The following KIDINS220 variants were observed in gnomAD, a reference collection of about 807,000 sequenced individuals.
KIDINS220 encodes the protein kinase D interacting substrate 220, also known as kinase D-interacting substrate of 220 kDa.
In KIDINS220, 63 loss-of-function variants were observed where a neutral mutation model predicts 157.6. That is an observed-to-expected ratio of 0.40 (90% confidence interval 0.33 to 0.49). KIDINS220 has a LOEUF of 0.49. Among genes scored for constraint, KIDINS220 ranks in the 20% least tolerant of loss-of-function variants. The pLI is 0.66. For missense variants in KIDINS220, 1,772 were observed against 2,171.2 expected, an observed-to-expected ratio of 0.82 and a Z score of 3.65; for synonymous variants, 732 against 783.6, an observed-to-expected ratio of 0.93 and a Z score of 1.10.
chr2:8,746,749 T>G (rs1666642018), intron 26 of KIDINS220: 1 of 173,070 alleles, frequency 5.8e-6, no homozygotes, highest in Non-Finnish European at 1.2e-5. Context: ...TGATACTGGA[T>G]ACTTTTCTAA....
Position 8,796,898 on chromosome 2 carries a change from G to C in KIDINS220, c.1000-29C>G, listed in dbSNP as rs1169075892. The stretch of plus-strand genomic sequence containing the variant: ...TGGGCACAAATAAGAACATTTGCCA[G>C]ATTAATAGCTTGACTCCTGTGTTTA... On this transcript the variant is annotated intron_variant, in intron 10 of 29. Transcript: ENST00000256707. The C allele has an allele frequency of 2.0e-6, 3 of 1,506,126 alleles. No individual in the cohort carries two copies. The South Asian group carries it at 3.4e-5, about 17-fold the overall frequency. The allele number at this position is 1,506,126 out of a possible 1,614,324, so 93.3% of individuals were successfully genotyped here.
intron 22 of KIDINS220, among the ~76,000 whole-genome samples, chr2:8,754,829 C>G (rs1034334730): frequency 1.3e-5 from 2 of 152,158 alleles, no homozygotes; most frequent in Admixed American, 1.3e-4. Flanking sequence ...TTATTTATCA[C>G]ATTTTATCTA....
chr2:8,749,439 G>T (rs751493500), intron 24 of KIDINS220: 1 of 455,762 alleles, frequency 2.2e-6, no homozygotes, highest in South Asian at 1.6e-5. Context: ...AAATATTAGT[G>T]TTTGAGGTCA....
chr2:8,832,334 C>T (rs1276110292), intron 1 of KIDINS220, among the ~76,000 whole-genome samples: 1 of 152,132 alleles, frequency 6.6e-6, no homozygotes, highest in African/African-American at 2.4e-5. Flanking sequence ...TATTAAATGT[C>T]ATAAGATGTT....
chr2:8,818,778 G>A lies in KIDINS220; in HGVS notation c.124C>T (p.Leu42=). 1.2e-6 allele frequency: 2 copies of A among 1,605,136 alleles called. No homozygotes were observed. The highest frequency in any genetic ancestry group is 1.7e-6 in the Non-Finnish European group (2 of 1,173,560). The part of the protein sequence containing the change: ...DERNECGQTP[L]MIAAEQGNLE... ...TTGCCTTGTTCGGCAGCTATCATCA[G>A]TGGAGTCTGGCCACACTAGAGAATA... The change falls in exon 3 of 30, where the codon CTG becomes TTG. Residue 42 remains leucine (L), a synonymous_variant. Transcript: ENST00000256707.
rs370591101 is a variant in KIDINS220, at chr2:8,802,963, G to C, written c.768C>G (p.Leu256=). 3.1e-6 allele frequency: 5 copies of C among 1,613,814 alleles called. No individual in the cohort carries two copies. The highest frequency in any genetic ancestry group is 4.5e-5 in the East Asian group (2 of 44,848). The stretch of plus-strand genomic sequence containing the variant: ...GTATGTTCACATATGTTCCAGCGTC[G>C]AGCAGATCCTGCACAATCTCCGTAT... ...EGHTEIVQDL[L]DAGTYVNIPD... Residue 256 remains leucine (L), a synonymous_variant, in exon 8 of 30, where the codon CTC becomes CTG. Coordinates refer to ENST00000256707, the MANE Select transcript of KIDINS220 (RefSeq NM_020738.4).
intron 16 of KIDINS220, 42 bp from the exon 17 acceptor site, chr2:8,786,072 A>T (rs372453243): frequency 1.3e-5 from 20 of 1,567,046 alleles, no homozygotes; most frequent in Middle Eastern, 3.4e-4. Flanking sequence ...CATATCAAGG[A>T]TCTAGAAAAT....
rs142953288 is a variant in KIDINS220, at chr2:8,819,877, T to G, written c.109-1084A>C. Among the ~76,000 whole-genome samples, 281 of 151,708 alleles carry G rather than the reference T, an allele frequency of 1.9e-3. 6 individuals are homozygous for G. The highest frequency in any genetic ancestry group is 0.014 in the Admixed American group (214 of 15,226). The stretch of plus-strand genomic sequence containing the variant: ...AAAAAGGAAGTACCAGGTTAAAGAG[T>G]GATGATACTAAAGGTACTAAGACAC... On this transcript the variant is annotated intron_variant, in intron 2 of 29. Coordinates refer to ENST00000256707, the MANE Select transcript of KIDINS220 (RefSeq NM_020738.4).
At chr2:8,759,691 CG>C (rs1318927825) in intron 22 of KIDINS220, among the ~76,000 whole-genome samples, 1 of 151,594 alleles carries the variant, frequency 6.6e-6, no homozygotes, top group African/African-American at 2.4e-5. Flanking sequence ...TTCATGTCTA[CG>C]ACGTCGAATG....
intron 20 of KIDINS220, among the ~76,000 whole-genome samples, chr2:8,777,576 C>A (rs1047660670): frequency 6.6e-6 from 1 of 152,226 alleles, no homozygotes; most frequent in Non-Finnish European, 1.5e-5. Flanking sequence ...GCTAGGATTA[C>A]AAGCATGAGC....
chr2:8,810,657 G>A lies in KIDINS220; in HGVS notation c.504+1738C>T, dbSNP rs146877183. Among the ~76,000 whole-genome samples the A allele has an allele frequency of 8.2e-3, 1,249 of 152,152 alleles. 9 individuals are homozygous for A. The highest frequency in any genetic ancestry group is 0.017 in the African/African-American group (693 of 41,510). On this transcript the variant is annotated intron_variant, in intron 6 of 29. Coordinates refer to ENST00000256707, the MANE Select transcript of KIDINS220 (RefSeq NM_020738.4). ...AAAAAGTAGACAGTCGTGGTGGCAC[G>A]CACCTGTAATCCCAGCTACTCAGAA... is the stretch of plus-strand genomic sequence containing the variant.
rs1677291943 is a variant in KIDINS220, at chr2:8,817,734, A to C, written c.208-18T>G. The C allele has an allele frequency of 1.9e-6, 3 of 1,543,108 alleles. No individual in the cohort carries two copies. In the East Asian group the frequency reaches 6.8e-5, roughly 35 times the overall value. On this transcript the variant is annotated intron_variant, in intron 3 of 29. Transcript: ENST00000256707. ...CAATTATCCTTGAACATATATTTTAAAAGTTATCATTTTCAAACCAAAAAT... is the reference window on the plus strand; with the variant it reads ...CAATTATCCTTGAACATATATTTTACAAGTTATCATTTTCAAACCAAAAAT...
At chr2:8,828,851 G>A (rs1247838400) in intron 1 of KIDINS220, among the ~76,000 whole-genome samples, 2 of 152,202 alleles carry the variant, frequency 1.3e-5, no homozygotes, top group African/African-American at 4.8e-5. Flanking sequence ...CTAAGTTGGA[G>A]CAGATAACTT....
rs185219670 is a variant in KIDINS220, at chr2:8,729,242, G to A, written c.*1478C>T. On this transcript the variant is annotated 3_prime_UTR_variant, in exon 30 of 30. Coordinates refer to ENST00000256707, the MANE Select transcript of KIDINS220 (RefSeq NM_020738.4). ...TGCTAGATTACACTCAAACATCAAGGCAATGAAACACAAAAGAGCAACTAT... is the reference window on the plus strand; with the variant it reads ...TGCTAGATTACACTCAAACATCAAGACAATGAAACACAAAAGAGCAACTAT... 299 of 985,010 alleles carry A rather than the reference G, an allele frequency of 3.0e-4. 1 individual carries two copies. The African/African-American group carries it at 5.0e-3, about 16-fold the overall frequency. The allele number at this position is 985,010 out of a possible 1,614,324, so 61.0% of individuals were successfully genotyped here.
chr2:8,810,368 T>A (rs1676110648), intron 6 of KIDINS220, among the ~76,000 whole-genome samples: 1 of 152,240 alleles, frequency 6.6e-6, no homozygotes. Flanking sequence ...TTTCTCAAAA[T>A]GCTAATGAGT....
Position 8,796,880 on chromosome 2 carries a change from A to C in KIDINS220, c.1000-11T>G. On this transcript the variant is annotated splice_polypyrimidine_tract_variant and intron_variant, in intron 10 of 29. Transcript: ENST00000256707. Reference sequence around the variant, plus strand: ...TGGCGTTTCACCATCCTGTGGGCACAAATAAGAACATTTGCCAGATTAATA... The same window carrying C: ...TGGCGTTTCACCATCCTGTGGGCACCAATAAGAACATTTGCCAGATTAATA... The C allele has an allele frequency of 6.3e-7, 1 of 1,598,438 alleles. No individual in the cohort carries two copies. Among genetic ancestry groups the C allele is most frequent in the Non-Finnish European group, 8.6e-7 (1 of 1,165,652 alleles).
intron 2 of KIDINS220, among the ~76,000 whole-genome samples, chr2:8,821,450 G>T (rs1458343688): frequency 6.6e-6 from 1 of 152,082 alleles, no homozygotes; most frequent in African/African-American, 2.4e-5. Context: ...AATTCAGCTG[G>T]TCTGTGCCTT....
chr2:8,795,765 C>T (rs1459523331), intron 11 of KIDINS220, among the ~76,000 whole-genome samples: 1 of 152,114 alleles, frequency 6.6e-6, no homozygotes, highest in South Asian at 2.1e-4. Context: ...ATTAACAAGG[C>T]TATATGGAAC....
chr2:8,745,929 CA>C (rs1415877748), intron 26 of KIDINS220, among the ~76,000 whole-genome samples: 1 of 151,992 alleles, frequency 6.6e-6, no homozygotes, highest in African/African-American at 2.4e-5. Flanking sequence ...CTAAACTGAC[CA>C]TATTACATGG....
Sources: gnomAD v4.1 joint callset for allele counts (sites outside exome capture counted in the v4.1 genomes callset) on GRCh38, gnomAD v4.1.1 for gene constraint, MANE v1.5 for transcripts, NCBI Gene and HGNC (gene_info 2026-07-23, HGNC 2026-07-21) for gene names.